COL23A1: variants seen among roughly 807,000 people sequenced by gnomAD.
COL23A1 encodes collagen type XXIII alpha 1 chain.
A neutral mutation model predicts 99.3 loss-of-function variants in COL23A1; 97 were observed. That is an observed-to-expected ratio of 0.98 (90% CI 0.83 to 1.16). The LOEUF (loss-of-function observed/expected upper bound fraction) is 1.16, where lower values mean the gene tolerates loss of function less well. Among genes scored for constraint, COL23A1 ranks in the 50% most tolerant of loss-of-function variants. The pLI, the probability that COL23A1 is intolerant of heterozygous loss-of-function variation, is 0.00. For missense variants in COL23A1, 762 were observed against 757.4 expected (o/e 1.01, Z -0.07); for synonymous variants, 320 against 308.2 (o/e 1.04, Z -0.40).
intron 2 of COL23A1, among the ~76,000 whole-genome samples, chr5:178,547,819 ACC>A (rs1342114680): frequency 1.1e-4 from 1 of 8,746 alleles, no homozygotes; most frequent in Non-Finnish European, 1.8e-4. Flanking sequence ...CCCCACACCC[ACC>A]CACCTACACA....
intron 2 of COL23A1, among the ~76,000 whole-genome samples, chr5:178,518,879 G>A (rs1426918797): frequency 6.7e-6 from 1 of 149,408 alleles, no homozygotes; most frequent in Non-Finnish European, 1.5e-5. Flanking sequence ...CGGCGGCAAA[G>A]ACTGAGACAG....
intron 5 of COL23A1, among the ~76,000 whole-genome samples, chr5:178,274,066 A>G (rs1756446955): frequency 6.6e-6 from 1 of 152,194 alleles, no homozygotes; most frequent in Non-Finnish European, 1.5e-5. Flanking sequence ...CAGGGATTCC[A>G]CGGTTGAGTA....
Position 178,544,218 on chromosome 5 carries a change from TC to T in COL23A1, c.361+16463del, listed in dbSNP as rs1426131112. Among the ~76,000 whole-genome samples the T allele has an allele frequency of 6.6e-6, 1 of 151,820 alleles. No individual in the cohort carries two copies. Among genetic ancestry groups the T allele is most frequent in the East Asian group, 1.9e-4 (1 of 5,160 alleles). Reference sequence around the variant, plus strand: ...AGTCCCCTCCCATGCAACCCTTCCTTCCCCTTCCCACCCCACCACCTCCCAC... The same window carrying T: ...AGTCCCCTCCCATGCAACCCTTCCTTCCCTTCCCACCCCACCACCTCCCAC... On this transcript the variant is annotated intron_variant, in intron 2 of 28. Transcript: ENST00000390654. This position sits in a 1 kb window ranked among gnomAD's most constrained non-coding sequence, Gnocchi z 4.4.
chr5:178,370,304 T>C (rs1762729466), intron 2 of COL23A1, among the ~76,000 whole-genome samples: 1 of 152,228 alleles, frequency 6.6e-6, no homozygotes, highest in African/African-American at 2.4e-5. Context: ...AGAGATGTGG[T>C]GTATACACAA....
intron 5 of COL23A1, among the ~76,000 whole-genome samples, chr5:178,282,658 G>A (rs1257945639): frequency 6.6e-6 from 1 of 152,188 alleles, no homozygotes; most frequent in African/African-American, 2.4e-5. Context: ...GTCAGGTAGG[G>A]TTGAAACCAC....
In COL23A1 at chr5:178,313,953, G is replaced by A. The variant is rs1400788342; in HGVS notation, c.362-7034C>T. 1.3e-5 allele frequency among the ~76,000 whole-genome samples: 2 copies of A among 152,206 alleles called. No individual in the cohort carries two copies. The highest frequency in any genetic ancestry group is 3.9e-4 in the East Asian group (2 of 5,172). ...CAAGTCTCAGACCAACCTCAGAGCT[G>A]AAAACTGCCCAACAAGGGAGCATTC... is the stretch of plus-strand genomic sequence containing the variant. On this transcript the variant is annotated intron_variant, in intron 2 of 28. Coordinates refer to ENST00000390654, the MANE Select transcript of COL23A1 (RefSeq NM_173465.4). The surrounding 1 kb of genome is among the most constrained non-coding windows in gnomAD (Gnocchi z 4.2).
chr5:178,574,173 T>C, intron 1 of COL23A1, among the ~76,000 whole-genome samples: 1 of 152,070 alleles, frequency 6.6e-6, no homozygotes, highest in East Asian at 1.9e-4. Context: ...GGGTTCTATT[T>C]ATATGAGGTT....
At chr5:178,334,348 C>A (rs976626529) in intron 2 of COL23A1, among the ~76,000 whole-genome samples, 1 of 152,236 alleles carries the variant, frequency 6.6e-6, no homozygotes, top group African/African-American at 2.4e-5. Flanking sequence ...CGAGCCCATG[C>A]CCCTGAAGCC....
intron 2 of COL23A1, among the ~76,000 whole-genome samples, chr5:178,538,119 C>T (rs762684452): frequency 3.3e-5 from 5 of 152,332 alleles, no homozygotes; most frequent in African/African-American, 1.2e-4. Flanking sequence ...TGTGCTACAG[C>T]TCATCATCAT....
At chr5:178,484,537 G>A (rs1757506194) in intron 2 of COL23A1, among the ~76,000 whole-genome samples, 1 of 152,108 alleles carries the variant, frequency 6.6e-6, no homozygotes, top group Non-Finnish European at 1.5e-5. Flanking sequence ...AGAACAGTGA[G>A]GCCGGGCCGG....
At chr5:178,547,551 C>CTACACCCA (rs1761674525) in intron 2 of COL23A1, among the ~76,000 whole-genome samples, 1 of 100,348 alleles carries the variant, frequency 1.0e-5, no homozygotes, top group African/African-American at 4.0e-5. Context: ...ACCCACACAC[C>CTACACCCA]CCCATACACA....
chr5:178,320,332 G>A (rs922801505), intron 2 of COL23A1, among the ~76,000 whole-genome samples: 4 of 152,162 alleles, frequency 2.6e-5, no homozygotes, highest in African/African-American at 7.2e-5. Context: ...GGTTGGCCTC[G>A]CTGGCACAGA....
chr5:178,564,989 C>T (rs1034297559), intron 1 of COL23A1, among the ~76,000 whole-genome samples: 4 of 152,234 alleles, frequency 2.6e-5, no homozygotes, highest in South Asian at 2.1e-4. Flanking sequence ...GAAGTTGCAC[C>T]GTAAAACAGT....
chr5:178,537,299 G>A (rs1761025856), intron 2 of COL23A1, among the ~76,000 whole-genome samples: 4 of 152,240 alleles, frequency 2.6e-5, no homozygotes, highest in Admixed American at 6.5e-5. Flanking sequence ...CTGCCAGTGT[G>A]GGCCTGAGGC....
At chr5:178,327,753 C>G (rs1759774597) in intron 2 of COL23A1, among the ~76,000 whole-genome samples, 1 of 152,166 alleles carries the variant, frequency 6.6e-6, no homozygotes, top group South Asian at 2.1e-4. Flanking sequence ...ACAGCACCAA[C>G]CACTGGGCTA....
intron 1 of COL23A1, chr5:178,562,370 T>C (rs112398897): frequency 0.014 from 2,445 of 180,268 alleles, 74 homozygotes; most frequent in African/African-American, 0.056. Flanking sequence ...CTGGCTAACA[T>C]GGTGAAACCT....
At chr5:178,571,702 A>C (rs1017463890) in intron 1 of COL23A1, among the ~76,000 whole-genome samples, 1 of 152,198 alleles carries the variant, frequency 6.6e-6, no homozygotes, top group Non-Finnish European at 1.5e-5. Context: ...TTAGCACACA[A>C]AGACATTAAA....
rs769410243 is a variant in COL23A1 at position 178,450,386 on chromosome 5, C to T, written c.361+110296G>A. 3.9e-5 allele frequency among the ~76,000 whole-genome samples: 6 copies of T among 152,158 alleles called. No individual in the cohort carries two copies. The East Asian group carries it at 7.7e-4, about 20-fold the overall frequency. On this transcript the variant is annotated intron_variant, in intron 2 of 28. Coordinates refer to ENST00000390654, the MANE Select transcript of COL23A1 (RefSeq NM_173465.4). ...TCGGGCTCACTCTTGAGAGAAGGTG[C>T]GTGCCACCCCGCCCTTTCCTTTCTT...
At chr5:178,358,552 G>C (rs201796875) in intron 2 of COL23A1, among the ~76,000 whole-genome samples, 1 of 149,352 alleles carries the variant, frequency 6.7e-6, no homozygotes, top group Non-Finnish European at 1.5e-5. Flanking sequence ...GTGTGTGTAT[G>C]TGTACGTGTG....
Sources: allele counts gnomAD v4.1 joint callset (sites outside exome capture counted in the v4.1 genomes callset), GRCh38; gene constraint gnomAD v4.1.1; non-coding constraint Gnocchi (gnomAD v3.1); transcripts MANE v1.5; gene names NCBI Gene and HGNC (gene_info 2026-07-23, HGNC 2026-07-21).